Variants in CEP126 observed in about 807,000 individuals in gnomAD.
CEP126 encodes the protein centrosomal protein of 126 kDa.
Under a neutral mutation model 107.8 loss-of-function variants are expected in CEP126, and 74 were observed. That is an observed-to-expected ratio of 0.69 (90% confidence interval 0.57 to 0.83). The LOEUF is 0.83. Ranked by LOEUF, CEP126 falls within the 40% of genes least tolerant of loss-of-function variation. The pLI is 0.00. For missense variants in CEP126, 1,237 were observed against 1,281.9 expected (o/e 0.96, Z 0.53); for synonymous variants, 449 against 446.0 (o/e 1.01, Z -0.08).
chr11:101,956,799 CT>C (rs1459942081), intron 4 of CEP126: 3 of 441,400 alleles, frequency 6.8e-6, no homozygotes, highest in South Asian at 4.9e-5. Context: ...CACTCTCCTT[CT>C]GTTTCTACCT....
intron 2 of CEP126, among the ~76,000 whole-genome samples, chr11:101,938,491 T>G (rs1940624413): frequency 6.6e-6 from 1 of 151,830 alleles, no homozygotes; most frequent in Non-Finnish European, 1.5e-5. Flanking sequence ...ATCTTCTATC[T>G]TGTTAAGGTG....
intron 4 of CEP126, among the ~76,000 whole-genome samples, chr11:101,953,739 A>G (rs543696228): frequency 2.0e-5 from 3 of 152,302 alleles, no homozygotes; most frequent in East Asian, 3.9e-4. Flanking sequence ...TGGAAGCCAG[A>G]TAACAGTTGG....
At chr11:101,985,666 C>T (rs962878098) in intron 8 of CEP126, among the ~76,000 whole-genome samples, 4 of 152,110 alleles carry the variant, frequency 2.6e-5, no homozygotes, top group African/African-American at 4.8e-5. Flanking sequence ...AGTCCAAAAC[C>T]TGAAACATAT....
At chr11:101,986,781 G>A (rs768612974) in intron 8 of CEP126, 51 bp from the exon 9 acceptor site, 2 of 1,365,590 alleles carry the variant, frequency 1.5e-6, no homozygotes, top group South Asian at 2.4e-5. Flanking sequence ...TATAAGGGCT[G>A]ATCTCAAAGA....
chr11:101,944,145 G>T, intron 2 of CEP126, 120 bp from the exon 3 acceptor site: 1 of 942,238 alleles, frequency 1.1e-6, no homozygotes. Context: ...TTTAAAATTT[G>T]TTGTTTTTAA....
intron 1 of CEP126, among the ~76,000 whole-genome samples, chr11:101,917,855 G>A (rs548552415): frequency 3.2e-4 from 48 of 152,022 alleles, no homozygotes; most frequent in Non-Finnish European, 6.0e-4. Context: ...TCCTTCATGC[G>A]AATAATAAAA....
Position 101,962,307 on chromosome 11 carries a change from A to G in CEP126, c.1272A>G (p.Ser424=), listed in dbSNP as rs1369982591. 4.3e-6 allele frequency: 7 copies of G among 1,613,406 alleles called. No individual in the cohort carries two copies. In the South Asian group the frequency reaches 6.6e-5, roughly 15 times the overall value. The change falls in exon 6 of 11, where the codon TCA becomes TCG. Residue 424 remains serine, a synonymous_variant. Coordinates refer to ENST00000263468, the MANE Select transcript of CEP126 (RefSeq NM_020802.4). ...TFKFSKSQST[S]DSLTQEVATF... ...AATTTAGCAAATCCCAAAGCACTTC[A>G]GATTCTCTAACCCAGGAAGTGGCTA...
intron 6 of CEP126, among the ~76,000 whole-genome samples, chr11:101,973,622 G>GT (rs1941158141): frequency 6.6e-6 from 1 of 152,074 alleles, no homozygotes; most frequent in South Asian, 2.1e-4. Context: ...ATCTATCTGT[G>GT]TAACAAACCT....
chr11:101,967,612 T>C (rs1490682787), intron 6 of CEP126, among the ~76,000 whole-genome samples: 2 of 152,162 alleles, frequency 1.3e-5, no homozygotes, highest in Admixed American at 1.3e-4. Context: ...TCCCCAAATA[T>C]CTGATTTCCC....
chr11:101,962,760 T>G lies in CEP126; in HGVS notation c.1725T>G (p.Leu575=), dbSNP rs1361336728. The G allele has an allele frequency of 6.2e-7, 1 of 1,607,378 alleles. No individual in the cohort carries two copies. Among genetic ancestry groups the G allele is most frequent in the Non-Finnish European group, 8.5e-7 (1 of 1,178,356 alleles). ...NIHERNGVRF[L]KSILKKESKY... ...ATGAGAGAAATGGTGTGAGATTTCT[T>G]AAAAGTATTTTAAAGAAAGAATCTA... Residue 575 remains leucine (L), a synonymous_variant, in exon 6 of 11, where the codon CTT becomes CTG. Coordinates refer to ENST00000263468, the MANE Select transcript of CEP126 (RefSeq NM_020802.4).
rs1399413848 is a variant in CEP126, at chr11:101,987,042, G to A, written c.3244+1G>A. On this transcript the variant is annotated splice_donor_variant, in intron 9 of 10. Transcript: ENST00000263468. LOFTEE classifies it high-confidence loss of function. ...AATGATCTCAGTGAAAGACTACATT[G>A]TAAGTATGGAAGAACACCTTTTATA... is the stretch of plus-strand genomic sequence containing the variant. 1.3e-6 allele frequency: 2 copies of A among 1,572,308 alleles called. No individual in the cohort carries two copies. Among genetic ancestry groups the A allele is most frequent in the East Asian group, 4.5e-5 (2 of 44,580 alleles).
intron 4 of CEP126, among the ~76,000 whole-genome samples, chr11:101,951,497 G>A (rs1469512257): frequency 1.3e-5 from 2 of 151,868 alleles, no homozygotes; most frequent in Non-Finnish European, 2.9e-5. Context: ...GGTAACAAGA[G>A]TGAAATCCTG....
chr11:101,988,262 A>G (rs1941337148), intron 9 of CEP126, among the ~76,000 whole-genome samples: 1 of 152,218 alleles, frequency 6.6e-6, no homozygotes, highest in African/African-American at 2.4e-5. Flanking sequence ...AAATATAATA[A>G]TTGAAATGTA....
intron 4 of CEP126, among the ~76,000 whole-genome samples, chr11:101,952,968 G>T (rs1482644666): frequency 6.6e-6 from 1 of 152,202 alleles, no homozygotes; most frequent in Non-Finnish European, 1.5e-5. Context: ...AATCCTTATA[G>T]AAGGCCACAA....
chr11:101,938,101 C>T (rs1393740370), intron 2 of CEP126, among the ~76,000 whole-genome samples: 2 of 138,102 alleles, frequency 1.4e-5, no homozygotes, highest in African/African-American at 2.7e-5. Flanking sequence ...TGCAGTGAGC[C>T]GAGATTGCGC....
In CEP126 at chr11:101,961,727, CT is replaced by C. The variant is rs541103749; in HGVS notation, c.706-5del. 661 of 1,357,738 alleles carry C rather than the reference CT, an allele frequency of 4.9e-4. No individual in the cohort carries two copies. The East Asian group carries it at 9.9e-3, about 20-fold the overall frequency. The allele number at this position is 1,357,738 out of a possible 1,614,324, so 84.1% of individuals were successfully genotyped here. A position where few individuals can be genotyped will look rare whatever the true frequency, so the allele number is the denominator to read the frequency against. ...AGTTTATAAGCTATAAAACAATGTTCTTTTTTTTTCCAGAAATTTTGTGATG... is the reference window on the plus strand; with the variant it reads ...AGTTTATAAGCTATAAAACAATGTTCTTTTTTTTCCAGAAATTTTGTGATG... On this transcript the variant is annotated splice_polypyrimidine_tract_variant and intron_variant, in intron 5 of 10. Transcript: ENST00000263468.
At chr11:101,958,513 T>C (rs1940930240) in intron 5 of CEP126, 147 bp downstream of exon 5, 2 of 630,950 alleles carry the variant, frequency 3.2e-6, no homozygotes, top group African/African-American at 3.7e-5. Flanking sequence ...AAATTCATCA[T>C]AGAAACTATA....
chr11:101,963,878 C>G lies in CEP126; in HGVS notation c.2843C>G (p.Thr948Arg), dbSNP rs917456138. The G allele has an allele frequency of 6.4e-7, 1 of 1,572,888 alleles. No individual in the cohort carries two copies. The highest frequency in any genetic ancestry group is 8.6e-7 in the Non-Finnish European group (1 of 1,156,808). ...PNVLHQNKRA[T>R]GSTVMRRKRI... is the part of the protein sequence containing the mutation. ...GTCCTGCATCAAAATAAGAGGGCTA[C>G]AGGTAAGAATAAATTTATAGCTTTT... Residue 948 changes from threonine to arginine, a missense_variant and splice_region_variant, in exon 6 of 11, where the codon ACA becomes AGA. This residue lies in a region of CEP126 where 1,134 missense variants were observed against 1,150.5 expected (regional missense o/e 0.99). Coordinates refer to ENST00000263468, the MANE Select transcript of CEP126 (RefSeq NM_020802.4).
rs772195748 is a variant in CEP126, at chr11:101,987,053, A to G, written c.3244+12A>G. 6.6e-7 allele frequency: 1 copy of G among 1,510,696 alleles called. No homozygotes were observed. Among genetic ancestry groups the G allele is most frequent in the East Asian group, 2.3e-5 (1 of 44,280 alleles). 93.6% of individuals were successfully genotyped at this position (1,510,696 alleles called of 1,614,324 possible). On this transcript the variant is annotated intron_variant, in intron 9 of 10. Coordinates refer to ENST00000263468, the MANE Select transcript of CEP126 (RefSeq NM_020802.4). ...TGAAAGACTACATTGTAAGTATGGA[A>G]GAACACCTTTTATAAGAAATACTGC...
Sources: allele counts gnomAD v4.1 joint callset (sites outside exome capture counted in the v4.1 genomes callset), GRCh38; gene constraint gnomAD v4.1.1; regional missense constraint gnomAD v4.1.1; transcripts MANE v1.5; gene names NCBI Gene and HGNC (gene_info 2026-07-23, HGNC 2026-07-21).